CSMD1: variants seen among roughly 807,000 people sequenced by gnomAD.
CSMD1 encodes the protein CUB and sushi domain-containing protein 1.
In CSMD1, 213 loss-of-function variants were observed where a neutral mutation model predicts 417.5. The observed-to-expected ratio is 0.51, with a 90% CI of 0.46 to 0.57. The LOEUF (loss-of-function observed/expected upper bound fraction) is 0.57. Among genes scored for constraint, CSMD1 ranks in the 20% least tolerant of loss-of-function variants. The pLI is 0.00. For missense variants in CSMD1, 6,923 were observed against 4,529.7 expected, an observed-to-expected ratio of 1.53 and a Z score of -15.17; for synonymous variants, 2,862 against 1,736.8, an observed-to-expected ratio of 1.65 and a Z score of -16.11.
chr8:4,052,510 T>C (rs996239857), intron 3 of CSMD1, among the ~76,000 whole-genome samples: 5 of 152,050 alleles, frequency 3.3e-5, no homozygotes, highest in African/African-American at 1.2e-4. Context: ...GAGATCAGCA[T>C]CTCCAAATTT....
intron 1 of CSMD1, among the ~76,000 whole-genome samples, chr8:4,718,546 T>A (rs1808838596): frequency 6.6e-6 from 1 of 151,806 alleles, no homozygotes; most frequent in Non-Finnish European, 1.5e-5. Flanking sequence ...CTAAGGGAAT[T>A]TGAAAAAAGA....
At chr8:4,322,371 G>C (rs935821296) in intron 3 of CSMD1, among the ~76,000 whole-genome samples, 2 of 152,084 alleles carry the variant, frequency 1.3e-5, no homozygotes, top group Admixed American at 6.6e-5. Flanking sequence ...AGTGGAATTA[G>C]AATTCCCCCA....
chr8:2,997,932 A>T (rs904336285), intron 54 of CSMD1, 79 bp downstream of exon 54: 1 of 1,366,680 alleles, frequency 7.3e-7, no homozygotes, highest in Admixed American at 2.3e-5. Context: ...TGATTCATGG[A>T]GACAGGCTCT....
At position 3,616,746 on chromosome 8, in the gene CSMD1, A is replaced by C. The variant is rs183610662; in HGVS notation, c.1061T>G (p.Ile354Ser). ...LVSDMCPDPG[I>S]PENGRRAGSD... ...ACCTGCTCTTCTACCATTTTCTGGA[A>C]TCCCAGGATCTGGACACATGTCAGA... The change falls in exon 8 of 70, where the codon ATT becomes AGT. Residue 354 changes from isoleucine to serine, a missense_variant. By Grantham distance (142) the Ile-to-Ser change is moderately radical (BLOSUM62 -2). Coordinates refer to ENST00000635120, the MANE Select transcript of CSMD1 (RefSeq NM_033225.6). 1 of 1,612,666 alleles carries C rather than the reference A, an allele frequency of 6.2e-7. No individual in the cohort carries two copies. Among genetic ancestry groups the C allele is most frequent in the African/African-American group, 1.3e-5 (1 of 75,008 alleles).
intron 26 of CSMD1, among the ~76,000 whole-genome samples, chr8:3,281,029 T>C (rs1392971008): frequency 6.6e-6 from 1 of 152,200 alleles, no homozygotes; most frequent in Non-Finnish European, 1.5e-5. Context: ...TCTTCTTAGG[T>C]ATCTAGTCAG....
chr8:3,291,590 C>G (rs749775345), intron 25 of CSMD1, among the ~76,000 whole-genome samples: 2 of 152,094 alleles, frequency 1.3e-5, no homozygotes, highest in African/African-American at 2.4e-5. Context: ...TCCATTTTTT[C>G]TAGATATTCT....
chr8:4,310,366 C>A (rs4875325), intron 3 of CSMD1, among the ~76,000 whole-genome samples: 1 of 151,592 alleles, frequency 6.6e-6, no homozygotes, highest in Non-Finnish European at 1.5e-5. Flanking sequence ...AAAGGGTTCA[C>A]AGACAGTGTT....
At chr8:4,162,578 A>T (rs975364955) in intron 3 of CSMD1, among the ~76,000 whole-genome samples, 1 of 152,092 alleles carries the variant, frequency 6.6e-6, no homozygotes, top group Non-Finnish European at 1.5e-5. Flanking sequence ...TTTTTTAAAT[A>T]TAGATTTTAT....
At chr8:3,656,016 G>A (rs1005250880) in intron 7 of CSMD1, among the ~76,000 whole-genome samples, 1 of 152,114 alleles carries the variant, frequency 6.6e-6, no homozygotes, top group Non-Finnish European at 1.5e-5. Context: ...GTTTTATTCT[G>A]CAAAGATGGA....
intron 7 of CSMD1, among the ~76,000 whole-genome samples, chr8:3,667,028 T>G (rs1798728205): frequency 6.6e-6 from 1 of 152,168 alleles, no homozygotes; most frequent in South Asian, 2.1e-4. Flanking sequence ...GGCGCCAAGC[T>G]AGAAGTATGC....
chr8:3,318,086 C>G (rs895581201), intron 23 of CSMD1, among the ~76,000 whole-genome samples: 5 of 152,206 alleles, frequency 3.3e-5, no homozygotes, highest in Admixed American at 3.3e-4. Context: ...CAAGCGTGAC[C>G]TATCACATTT....
At chr8:3,159,273 A>G (rs1170920075) in intron 38 of CSMD1, among the ~76,000 whole-genome samples, 2 of 152,192 alleles carry the variant, frequency 1.3e-5, no homozygotes, top group East Asian at 1.9e-4. Context: ...AACGTTTCCG[A>G]TGAGCGATTC....
At chr8:3,933,926 C>T (rs916472128) in intron 5 of CSMD1, among the ~76,000 whole-genome samples, 10 of 152,054 alleles carry the variant, frequency 6.6e-5, no homozygotes, top group Admixed American at 5.9e-4. Flanking sequence ...GTGAAAAATG[C>T]GATGAAAAAC....
At chr8:4,892,504 G>A (rs1240125507) in intron 1 of CSMD1, among the ~76,000 whole-genome samples, 2 of 152,020 alleles carry the variant, frequency 1.3e-5, no homozygotes, top group Non-Finnish European at 2.9e-5. Context: ...GTAAATATTT[G>A]CAAAGACACC....
intron 1 of CSMD1, among the ~76,000 whole-genome samples, chr8:4,891,753 A>C (rs1446573634): frequency 6.6e-6 from 1 of 152,112 alleles, no homozygotes; most frequent in Non-Finnish European, 1.5e-5. Flanking sequence ...TATTTCCCAA[A>C]ACTCCCTAGT....
chr8:3,846,919 C>T (rs990443674), intron 5 of CSMD1, among the ~76,000 whole-genome samples: 3 of 152,226 alleles, frequency 2.0e-5, no homozygotes, highest in African/African-American at 7.2e-5. Flanking sequence ...AGGTGATCCA[C>T]CCGCCCTGGC....
chr8:3,551,880 G>C (rs1481549287), intron 10 of CSMD1, among the ~76,000 whole-genome samples: 1 of 152,090 alleles, frequency 6.6e-6, no homozygotes, highest in African/African-American at 2.4e-5. Flanking sequence ...TCTTTAATGT[G>C]ATCATGCTGA....
At chr8:3,049,303 T>C (rs1332234379) in intron 50 of CSMD1, among the ~76,000 whole-genome samples, 12 of 152,198 alleles carry the variant, frequency 7.9e-5, no homozygotes, top group African/African-American at 2.4e-5. Flanking sequence ...AGCAGCTTTA[T>C]TCACAATTGT....
At chr8:4,040,560 G>C (rs994560989) in intron 3 of CSMD1, among the ~76,000 whole-genome samples, 2 of 152,160 alleles carry the variant, frequency 1.3e-5, no homozygotes, top group Non-Finnish European at 1.5e-5. Context: ...TTAGATCTAC[G>C]GTGTTCACAA....
Sources: allele counts gnomAD v4.1 joint callset (sites outside exome capture counted in the v4.1 genomes callset), GRCh38; gene constraint gnomAD v4.1.1; transcripts MANE v1.5; gene names NCBI Gene and HGNC (gene_info 2026-07-23, HGNC 2026-07-21).